ZNF385B: variants seen among roughly 807,000 people sequenced by gnomAD.
The protein encoded by ZNF385B is zinc finger protein 533.
A neutral mutation model predicts 39.2 loss-of-function variants in ZNF385B; 23 were observed. The ratio of observed to expected loss-of-function variants is 0.59; its 90% CI spans 0.42 to 0.83. The LOEUF (loss-of-function observed/expected upper bound fraction) is 0.83. Ranked by LOEUF, ZNF385B falls within the 40% of genes least tolerant of loss-of-function variation. The pLI, the probability that ZNF385B is intolerant of heterozygous loss-of-function variation, is 0.00. For synonymous variants in ZNF385B, 205 were observed against 222.6 expected (o/e 0.92, Z 0.70); for missense variants, 552 against 598.9 (o/e 0.92, Z 0.82).
At chr2:179,477,606 A>AC (rs2053566268) in intron 6 of ZNF385B, among the ~76,000 whole-genome samples, 1 of 152,118 alleles carries the variant, frequency 6.6e-6, no homozygotes, top group African/African-American at 2.4e-5. Flanking sequence ...GCTCAAGAGT[A>AC]CCCCTTTGGA....
chr2:179,499,225 G>C (rs760638464), intron 5 of ZNF385B, among the ~76,000 whole-genome samples: 7 of 151,854 alleles, frequency 4.6e-5, no homozygotes, highest in Admixed American at 1.3e-4. Context: ...TTCACTAATA[G>C]ATTCTACCAA....
intron 3 of ZNF385B, among the ~76,000 whole-genome samples, chr2:179,661,250 G>C (rs1375629618): frequency 6.6e-6 from 1 of 152,196 alleles, no homozygotes; most frequent in East Asian, 1.9e-4. Context: ...CAAAGAAAGA[G>C]AAATGGCTAA....
intron 3 of ZNF385B, among the ~76,000 whole-genome samples, chr2:179,725,331 T>C (rs1392558631): frequency 6.6e-6 from 1 of 152,000 alleles, no homozygotes; most frequent in Non-Finnish European, 1.5e-5. Context: ...AAAAACTGCT[T>C]TAACTATACT....
intron 5 of ZNF385B, among the ~76,000 whole-genome samples, chr2:179,493,763 G>GTATACATATGTGTATA (rs1559338006): frequency 1.2e-5 from 1 of 85,356 alleles, no homozygotes; most frequent in African/African-American, 4.2e-5. Flanking sequence ...ATACATATAT[G>GTATACATATGTGTATA]TATACATATA....
At chr2:179,654,646 TG>T (rs952918469) in intron 3 of ZNF385B, among the ~76,000 whole-genome samples, 5 of 152,170 alleles carry the variant, frequency 3.3e-5, no homozygotes, top group African/African-American at 1.2e-4. Flanking sequence ...TCTAACCTCT[TG>T]GGGATGGCAC....
At chr2:179,505,670 G>C (rs901462208) in intron 5 of ZNF385B, among the ~76,000 whole-genome samples, 5 of 152,080 alleles carry the variant, frequency 3.3e-5, no homozygotes, top group Non-Finnish European at 7.4e-5. Flanking sequence ...TTATAAGTTA[G>C]CACTACGTAC....
chr2:179,648,744 G>C (rs1264899128), intron 3 of ZNF385B, among the ~76,000 whole-genome samples: 2 of 152,148 alleles, frequency 1.3e-5, no homozygotes, highest in Non-Finnish European at 2.9e-5. Flanking sequence ...AAGGACACAG[G>C]AGGCAGCTTG....
At chr2:179,842,694 C>T (rs113208645) in intron 1 of ZNF385B, among the ~76,000 whole-genome samples, 20 of 152,162 alleles carry the variant, frequency 1.3e-4, no homozygotes, top group African/African-American at 4.6e-4. Flanking sequence ...GCAGCCCTTA[C>T]CCCTCCCTCC....
chr2:179,545,063 A>G (rs1318936147), intron 3 of ZNF385B, 94 bp from the exon 4 acceptor site: 2 of 1,515,514 alleles, frequency 1.3e-6, no homozygotes, highest in Non-Finnish European at 1.8e-6. Context: ...TTGAGCTGCA[A>G]CTTGCAAGCA....
At chr2:179,772,064 A>G (rs976920244) in intron 1 of ZNF385B, among the ~76,000 whole-genome samples, 1 of 152,164 alleles carries the variant, frequency 6.6e-6, no homozygotes, top group Non-Finnish European at 1.5e-5. Flanking sequence ...TCATAGACAC[A>G]AGACACACAT....
intron 6 of ZNF385B, among the ~76,000 whole-genome samples, chr2:179,467,726 G>C (rs2052231589): frequency 2.6e-5 from 4 of 151,320 alleles, no homozygotes; most frequent in African/African-American, 9.7e-5. Context: ...TTCATATCTT[G>C]ACTTTTAGAC....
intron 3 of ZNF385B, among the ~76,000 whole-genome samples, chr2:179,617,884 A>G (rs533545471): frequency 2.0e-5 from 3 of 152,294 alleles, no homozygotes; most frequent in South Asian, 4.1e-4. Context: ...GAATGTACCC[A>G]TAAGAATCTT....
chr2:179,518,527 C>T lies in ZNF385B; in HGVS notation c.552+1G>A. ...GAGAATAATGAAAAGGTGATACTCA[C>T]ATCTGAGTTAAAGCGAAGCTGACAG... On this transcript the variant is annotated splice_donor_variant, in intron 5 of 9. Transcript: ENST00000410066. LOFTEE classifies it high-confidence loss of function. 6.3e-7 allele frequency: 1 copy of T among 1,586,346 alleles called. No homozygotes were observed. Among genetic ancestry groups the T allele is most frequent in the Non-Finnish European group, 8.6e-7 (1 of 1,162,966 alleles).
At chr2:179,644,221 C>T (rs1038340016) in intron 3 of ZNF385B, among the ~76,000 whole-genome samples, 2 of 152,088 alleles carry the variant, frequency 1.3e-5, no homozygotes, top group Admixed American at 6.6e-5. Flanking sequence ...TTTTGAAGCT[C>T]GCTTTGTTAG....
At chr2:179,494,612 T>C (rs2055955264) in intron 5 of ZNF385B, among the ~76,000 whole-genome samples, 1 of 152,192 alleles carries the variant, frequency 6.6e-6, no homozygotes, top group Admixed American at 6.5e-5. Flanking sequence ...ATTTAAATTG[T>C]ATTTTTAAAA....
chr2:179,859,606 A>G (rs1330644054), intron 1 of ZNF385B, among the ~76,000 whole-genome samples: 2 of 152,228 alleles, frequency 1.3e-5, no homozygotes, highest in East Asian at 1.9e-4. Context: ...TAGCTATCTG[A>G]TTTGTGGTTT....
At chr2:179,861,040 C>G (rs1685021812) in intron 1 of ZNF385B, 61 bp downstream of exon 1, 1 of 164,888 alleles carries the variant, frequency 6.1e-6, no homozygotes, top group African/African-American at 2.4e-5. Context: ...GGGCGGGGGC[C>G]GGGCAAGCAG....
chr2:179,665,159 G>A (rs16866897), intron 3 of ZNF385B, among the ~76,000 whole-genome samples: 2,070 of 152,278 alleles, frequency 0.014, 54 homozygotes, highest in African/African-American at 0.047. Flanking sequence ...AGACACACGG[G>A]AGGCTCACAC....
chr2:179,846,603 G>C, intron 1 of ZNF385B, among the ~76,000 whole-genome samples: 1 of 152,150 alleles, frequency 6.6e-6, no homozygotes, highest in Admixed American at 6.5e-5. Flanking sequence ...CCCTCTACAG[G>C]CTGGCCTCTC....
Sources: gnomAD v4.1 joint callset for allele counts (sites outside exome capture counted in the v4.1 genomes callset) on GRCh38, gnomAD v4.1.1 for gene constraint, MANE v1.5 for transcripts, NCBI Gene and HGNC (gene_info 2026-07-23, HGNC 2026-07-21) for gene names.